OPCML: variants seen among roughly 807,000 people sequenced by gnomAD.
The protein encoded by OPCML is opioid-binding protein/cell adhesion molecule.
A neutral mutation model predicts 37.8 loss-of-function variants in OPCML; 13 were observed. The ratio of observed to expected loss-of-function variants is 0.34; its 90% CI spans 0.22 to 0.55. The LOEUF (loss-of-function observed/expected upper bound fraction) is 0.55. Ranked by LOEUF, OPCML falls within the 20% of genes least tolerant of loss-of-function variation. OPCML has a pLI of 0.91. For missense variants in OPCML, 341 were observed against 435.6 expected (o/e 0.78, Z 1.93); for synonymous variants, 176 against 168.8 (o/e 1.04, Z -0.33).
intron 2 of OPCML, among the ~76,000 whole-genome samples, chr11:132,757,505 A>T (rs900539504): frequency 6.6e-6 from 1 of 152,158 alleles, no homozygotes; most frequent in African/African-American, 2.4e-5. Context: ...AACTGGTGTG[A>T]GATGGTATCT....
intron 1 of OPCML, among the ~76,000 whole-genome samples, chr11:133,126,275 A>G (rs1949514375): frequency 6.6e-6 from 1 of 152,126 alleles, no homozygotes; most frequent in South Asian, 2.1e-4. Flanking sequence ...CAGCTCAAAC[A>G]GAAGCACATT....
intron 2 of OPCML, among the ~76,000 whole-genome samples, chr11:132,743,218 A>G (rs965576128): frequency 6.6e-6 from 1 of 152,128 alleles, no homozygotes; most frequent in Admixed American, 6.5e-5. Context: ...TCCCTGCTTG[A>G]TAATGTTGGT....
intron 4 of OPCML, among the ~76,000 whole-genome samples, chr11:132,482,894 A>C (rs1443462153): frequency 6.7e-6 from 1 of 149,418 alleles, no homozygotes; most frequent in Admixed American, 6.7e-5. Context: ...AACTCTCAAT[A>C]AATTAGGTAT....
intron 1 of OPCML, among the ~76,000 whole-genome samples, chr11:133,185,674 G>A (rs948100129): frequency 2.0e-5 from 3 of 152,246 alleles, no homozygotes; most frequent in African/African-American, 7.2e-5. Flanking sequence ...TGGTTCTAAG[G>A]CTCCCATAGA....
chr11:133,447,070 T>C (rs1946488055), intron 1 of OPCML, among the ~76,000 whole-genome samples: 1 of 152,222 alleles, frequency 6.6e-6, no homozygotes, highest in African/African-American at 2.4e-5. Context: ...TTCTGTGCCA[T>C]ATATTAAGTT....
Position 132,668,307 on chromosome 11 carries a change from C to T in OPCML, c.147-10988G>A, listed in dbSNP as rs147097002. 1.1e-4 allele frequency among the ~76,000 whole-genome samples: 16 copies of T among 152,202 alleles called. No individual in the cohort carries two copies. In the East Asian group the frequency reaches 1.5e-3, roughly 15 times the overall value. On this transcript the variant is annotated intron_variant, in intron 2 of 7. Coordinates refer to ENST00000524381, the MANE Select transcript of OPCML (RefSeq NM_001012393.5). ...ATGAGGTTTTGCGAAATGTATAAAT[C>T]GAGCATTATAGAGATAATATTAATA...
chr11:133,135,799 C>T (rs1449232148), intron 1 of OPCML, among the ~76,000 whole-genome samples: 1 of 152,158 alleles, frequency 6.6e-6, no homozygotes, highest in Non-Finnish European at 1.5e-5. Flanking sequence ...CCTCAGTTGT[C>T]TCCGCAAATA....
intron 3 of OPCML, among the ~76,000 whole-genome samples, chr11:132,613,507 T>C (rs1938794940): frequency 6.6e-6 from 1 of 152,216 alleles, no homozygotes; most frequent in South Asian, 2.1e-4. Flanking sequence ...TCCGTGGGAT[T>C]CTTCTCTGCC....
At chr11:132,783,554 C>T (rs779731364) in intron 2 of OPCML, among the ~76,000 whole-genome samples, 1 of 152,036 alleles carries the variant, frequency 6.6e-6, no homozygotes, top group Non-Finnish European at 1.5e-5. Context: ...TTGGAGTTTC[C>T]TTTCTACTAA....
chr11:132,867,663 G>C (rs771901695), intron 2 of OPCML, among the ~76,000 whole-genome samples: 1 of 152,154 alleles, frequency 6.6e-6, no homozygotes, highest in African/African-American at 2.4e-5. Flanking sequence ...AGAGCTGAAG[G>C]GTTATTCGTT....
chr11:133,336,974 G>T (rs898492988), intron 1 of OPCML, among the ~76,000 whole-genome samples: 1 of 152,210 alleles, frequency 6.6e-6, no homozygotes, highest in Non-Finnish European at 1.5e-5. Flanking sequence ...AATTTTGAAG[G>T]CTGTTAAATT....
At chr11:132,840,932 G>T (rs1199464899) in intron 2 of OPCML, among the ~76,000 whole-genome samples, 2 of 152,110 alleles carry the variant, frequency 1.3e-5, no homozygotes, top group African/African-American at 4.8e-5. Context: ...CCAGGGCCCA[G>T]GTGGACCTCC....
intron 1 of OPCML, among the ~76,000 whole-genome samples, chr11:133,351,463 G>A (rs943526663): frequency 2.2e-4 from 34 of 151,960 alleles, no homozygotes; most frequent in African/African-American, 8.0e-4. Context: ...GCCTCTCCAC[G>A]CTTCTGTGAC....
At chr11:133,433,451 G>A (rs1946168562) in intron 1 of OPCML, among the ~76,000 whole-genome samples, 1 of 151,962 alleles carries the variant, frequency 6.6e-6, no homozygotes, top group South Asian at 2.1e-4. Flanking sequence ...TCTTCATGGT[G>A]GTCTGTTTCC....
intron 3 of OPCML, among the ~76,000 whole-genome samples, chr11:132,530,467 A>G (rs552278997): frequency 6.6e-6 from 1 of 151,950 alleles, no homozygotes; most frequent in African/African-American, 2.4e-5. Flanking sequence ...GGTCCCTCCA[A>G]TCTATTCCCT....
chr11:133,443,284 G>A (rs1203204369), intron 1 of OPCML, among the ~76,000 whole-genome samples: 1 of 152,220 alleles, frequency 6.6e-6, no homozygotes, highest in African/African-American at 2.4e-5. Context: ...TCTGTTTTAG[G>A]AAAGTGCTAG....
At chr11:133,487,234 T>G (rs1013046547) in intron 1 of OPCML, among the ~76,000 whole-genome samples, 31 of 152,276 alleles carry the variant, frequency 2.0e-4, no homozygotes, top group African/African-American at 7.5e-4. Context: ...TCATGACCCC[T>G]GAGACTTTAC....
intron 1 of OPCML, among the ~76,000 whole-genome samples, chr11:133,125,724 TA>T (rs1565459754): frequency 8.0e-6 from 1 of 125,080 alleles, no homozygotes; most frequent in African/African-American, 3.1e-5. Flanking sequence ...TATATGTATA[TA>T]GTATATATAG....
At chr11:132,596,308 T>A (rs2096492347) in intron 3 of OPCML, among the ~76,000 whole-genome samples, 1 of 152,242 alleles carries the variant, frequency 6.6e-6, no homozygotes, top group African/African-American at 2.4e-5. Context: ...AACAGACATA[T>A]GTCTGCCCTA....
Sources: gnomAD v4.1 joint callset for allele counts (sites outside exome capture counted in the v4.1 genomes callset) on GRCh38, gnomAD v4.1.1 for gene constraint, MANE v1.5 for transcripts, NCBI Gene and HGNC (gene_info 2026-07-23, HGNC 2026-07-21) for gene names.